PTPRG: variants seen among roughly 807,000 people sequenced by gnomAD.
PTPRG encodes protein tyrosine phosphatase receptor type G, also known as receptor-type tyrosine-protein phosphatase gamma.
A neutral mutation model predicts 165.3 loss-of-function variants in PTPRG; 102 were observed. The observed-to-expected ratio is 0.62, with a 90% CI of 0.53 to 0.73. The LOEUF (loss-of-function observed/expected upper bound fraction) is 0.73, where lower values mean the gene tolerates loss of function less well. PTPRG is among the 30% of genes least tolerant of loss of function. PTPRG has a pLI of 0.00. For synonymous variants in PTPRG, 675 were observed against 669.5 expected, an observed-to-expected ratio of 1.01 and a Z score of -0.13; for missense variants, 1,866 against 1,861.4, an observed-to-expected ratio of 1.00 and a Z score of -0.05.
intron 2 of PTPRG, among the ~76,000 whole-genome samples, chr3:61,806,741 C>T (rs1442551020): frequency 6.6e-6 from 1 of 152,158 alleles, no homozygotes; most frequent in African/African-American, 2.4e-5. Flanking sequence ...TCTTTAAATA[C>T]TGAAATAAGA....
intron 3 of PTPRG, among the ~76,000 whole-genome samples, chr3:61,992,828 G>A (rs1207388742): frequency 4.6e-5 from 7 of 151,438 alleles, no homozygotes; most frequent in African/African-American, 1.7e-4. Context: ...GGCCATGCCC[G>A]GCTAATTTTT....
Position 61,997,910 on chromosome 3 carries a change from G to A in PTPRG, c.371-5439G>A, listed in dbSNP as rs2107711527. Among the ~76,000 whole-genome samples the A allele has an allele frequency of 2.0e-5, 3 of 152,286 alleles. No homozygotes were observed. The South Asian group carries it at 6.2e-4, about 32-fold the overall frequency. Reference sequence around the variant, plus strand: ...TCTGATGTCACAAATATTGTGGAAGGTGGTCTGGGGATCCCATCATTAGGG... The same window carrying A: ...TCTGATGTCACAAATATTGTGGAAGATGGTCTGGGGATCCCATCATTAGGG... On this transcript the variant is annotated intron_variant, in intron 3 of 29. Transcript: ENST00000474889.
intron 5 of PTPRG, among the ~76,000 whole-genome samples, chr3:62,106,859 A>G (rs13063512): frequency 0.11 from 16,833 of 152,182 alleles, 979 homozygotes; most frequent in Middle Eastern, 0.13. Context: ...CTTTGGGTGT[A>G]TGACTTATAT....
At chr3:61,590,523 C>CA (rs895838825) in intron 1 of PTPRG, among the ~76,000 whole-genome samples, 2,301 of 144,470 alleles carry the variant, frequency 0.016, 20 homozygotes, top group Admixed American at 0.03. Context: ...GACTCCATCT[C>CA]AAAAAAAAAA....
chr3:61,836,786 C>A (rs531042568), intron 2 of PTPRG, among the ~76,000 whole-genome samples: 2 of 152,126 alleles, frequency 1.3e-5, no homozygotes, highest in South Asian at 4.2e-4. Context: ...TGTCTGTCAC[C>A]CAGGCTGGAG....
intron 1 of PTPRG, among the ~76,000 whole-genome samples, chr3:61,586,904 T>C (rs957812019): frequency 4.6e-5 from 7 of 152,230 alleles, no homozygotes; most frequent in Admixed American, 2.0e-4. Context: ...CCCAGATATA[T>C]GTGTCTGCTT....
chr3:61,871,576 C>G (rs910163885), intron 2 of PTPRG, among the ~76,000 whole-genome samples: 1 of 152,096 alleles, frequency 6.6e-6, no homozygotes, highest in Non-Finnish European at 1.5e-5. Context: ...AAAGTTCATC[C>G]TCTGGGCCCT....
chr3:61,736,273 C>T (rs372687065), intron 1 of PTPRG, among the ~76,000 whole-genome samples: 41 of 151,492 alleles, frequency 2.7e-4, no homozygotes, highest in African/African-American at 9.0e-4. Context: ...CATAGTAGAG[C>T]CTTCTGTACC....
At chr3:61,865,885 C>A (rs1365089829) in intron 2 of PTPRG, among the ~76,000 whole-genome samples, 1 of 152,218 alleles carries the variant, frequency 6.6e-6, no homozygotes, top group Admixed American at 6.5e-5. Context: ...TGAGATTCAG[C>A]AGTTGCTCAA....
chr3:61,596,047 A>C (rs576957287), intron 1 of PTPRG, among the ~76,000 whole-genome samples: 2 of 152,348 alleles, frequency 1.3e-5, no homozygotes, highest in East Asian at 3.9e-4. Context: ...AACAAATTGC[A>C]CAATCTCCAT....
chr3:61,889,024 G>C (rs1453891425), intron 2 of PTPRG, among the ~76,000 whole-genome samples: 1 of 152,226 alleles, frequency 6.6e-6, no homozygotes, highest in Admixed American at 6.5e-5. Flanking sequence ...GTGGATGCCA[G>C]TTTATAAAAT....
intron 6 of PTPRG, among the ~76,000 whole-genome samples, chr3:62,149,449 T>A (rs1316972119): frequency 6.6e-6 from 1 of 152,114 alleles, no homozygotes; most frequent in East Asian, 1.9e-4. Context: ...AATTTTTGTA[T>A]CTTTAGATGT....
At chr3:62,196,391 A>G (rs1396738993) in intron 10 of PTPRG, among the ~76,000 whole-genome samples, 1 of 152,176 alleles carries the variant, frequency 6.6e-6, no homozygotes, top group Non-Finnish European at 1.5e-5. Flanking sequence ...CAACAAGAGT[A>G]AAACTCCGTC....
chr3:61,742,846 T>A, intron 1 of PTPRG: 1 of 1,582,042 alleles, frequency 6.3e-7, no homozygotes, highest in Non-Finnish European at 8.7e-7. Context: ...TTTCAGCGCC[T>A]CGATGTCCAT....
intron 1 of PTPRG, among the ~76,000 whole-genome samples, chr3:61,580,855 C>T (rs1356295351): frequency 6.6e-6 from 1 of 152,144 alleles, no homozygotes; most frequent in Non-Finnish European, 1.5e-5. Context: ...TATAATTATA[C>T]CCTTGGTCTG....
At chr3:61,920,266 A>G (rs907737004) in intron 2 of PTPRG, among the ~76,000 whole-genome samples, 4 of 152,184 alleles carry the variant, frequency 2.6e-5, no homozygotes, top group Non-Finnish European at 5.9e-5. Flanking sequence ...TGCCTTCTGG[A>G]GACCATGTCT....
At chr3:61,896,929 C>G (rs927839128) in intron 2 of PTPRG, among the ~76,000 whole-genome samples, 1 of 146,072 alleles carries the variant, frequency 6.8e-6, no homozygotes. Context: ...TTCCTTCTTA[C>G]TATTAAATTT....
intron 1 of PTPRG, among the ~76,000 whole-genome samples, chr3:61,646,082 G>A (rs1702193263): frequency 1.3e-5 from 2 of 152,088 alleles, no homozygotes; most frequent in South Asian, 2.1e-4. Context: ...AATATGGTTT[G>A]TTTTTGATTC....
chr3:61,699,651 AGCAGGTTTG>A (rs1294510578), intron 1 of PTPRG, among the ~76,000 whole-genome samples: 1 of 152,168 alleles, frequency 6.6e-6, no homozygotes, highest in African/African-American at 2.4e-5. Context: ...TGTTTATGAA[AGCAGGTTTG>A]CTTTATTTTC....
Sources: allele counts gnomAD v4.1 joint callset (sites outside exome capture counted in the v4.1 genomes callset), GRCh38; gene constraint gnomAD v4.1.1; transcripts MANE v1.5; gene names NCBI Gene and HGNC (gene_info 2026-07-23, HGNC 2026-07-21).